The following MGAT1 variants were observed in gnomAD, a reference collection of about 807,000 sequenced individuals.
MGAT1 encodes alpha-1,3-mannosyl-glycoprotein 2-beta-N-acetylglucosaminyltransferase, also known as N-glycosyl-oligosaccharide-glycoprotein N-acetylglucosaminyltransferase I.
In MGAT1, 14 loss-of-function variants were observed where a neutral mutation model predicts 31.7. The ratio of observed to expected loss-of-function variants is 0.44; its 90% CI spans 0.29 to 0.69. MGAT1 has a LOEUF of 0.69. Among genes scored for constraint, MGAT1 ranks in the 30% least tolerant of loss-of-function variants. The pLI, the probability that MGAT1 is intolerant of heterozygous loss-of-function variation, is 0.12. For missense variants in MGAT1, 557 were observed against 626.0 expected (o/e 0.89, Z 1.18); for synonymous variants, 338 against 276.0 (o/e 1.22, Z -2.23).
chr5:180,815,261 C>T (rs1055146667), intron 1 of MGAT1, among the ~76,000 whole-genome samples: 1 of 151,960 alleles, frequency 6.6e-6, no homozygotes, highest in Non-Finnish European at 1.5e-5. Flanking sequence ...TCTTAAAGGC[C>T]CCACCTCTCC....
At chr5:180,798,143 C>CA (rs1769902096) in intron 1 of MGAT1, among the ~76,000 whole-genome samples, 2 of 152,208 alleles carry the variant, frequency 1.3e-5, no homozygotes, top group South Asian at 4.1e-4. Context: ...TTCTGAGACT[C>CA]AAACTGGGTT....
chr5:180,805,727 G>A (rs192608346), upstream of MGAT1, among the ~76,000 whole-genome samples: 125 of 151,702 alleles, frequency 8.2e-4, no homozygotes, highest in African/African-American at 3.0e-3. Context: ...TCCAGCCTGG[G>A]TGACAGAGTG....
In MGAT1 at chr5:180,784,983, G is replaced by C. The variant is rs1767476116; in HGVS notation, c.*6651C>G. The stretch of plus-strand genomic sequence containing the variant: ...TCGTTGGATCATGTCAGTGGAAAGA[G>C]TATGGTTCTTCTTTGTATTAGTCTT... On this transcript the variant is annotated 3_prime_UTR_variant, in exon 2 of 2. Transcript: ENST00000307826. 2 of 152,186 alleles carry C rather than the reference G, an allele frequency of 1.3e-5. No individual in the cohort carries two copies. Among genetic ancestry groups the C allele is most frequent in the Non-Finnish European group, 2.9e-5 (2 of 68,040 alleles). The allele number at this position is 152,186 out of a possible 1,614,324, so 9.4% of individuals were successfully genotyped here. A position where few individuals can be genotyped will look rare whatever the true frequency, so the allele number is the denominator to read the frequency against.
rs752408148 is a variant in MGAT1, at chr5:180,791,543, G to C, written c.*91C>G. On this transcript the variant is annotated 3_prime_UTR_variant, in exon 2 of 2. Transcript: ENST00000307826. ...CAAAAAGATAAATGCACCTAAGAGGGAAACACAGGCAGGCCGATGCAGCCT... is the reference window on the plus strand; with the variant it reads ...CAAAAAGATAAATGCACCTAAGAGGCAAACACAGGCAGGCCGATGCAGCCT... 3.1e-5 allele frequency: 46 copies of C among 1,466,582 alleles called. No homozygotes were observed. Among genetic ancestry groups the C allele is most frequent in the Non-Finnish European group, 3.9e-5 (42 of 1,084,320 alleles). The allele number at this position is 1,466,582 out of a possible 1,614,324, so 90.8% of individuals were successfully genotyped here.
upstream of MGAT1, chr5:180,815,563 T>TTTCCTCC: frequency 6.6e-6 from 1 of 152,340 alleles, no homozygotes; most frequent in African/African-American, 2.4e-5. Flanking sequence ...GTCTCCCGGT[T>TTTCCTCC]ATTTCGTGGC....
chr5:180,800,684 A>C (rs1457176361), intron 1 of MGAT1, among the ~76,000 whole-genome samples: 10 of 152,194 alleles, frequency 6.6e-5, no homozygotes, highest in Admixed American at 5.9e-4. Context: ...TGGTCAAGGG[A>C]ACCACAAGTC....
chr5:180,792,263 A>T lies in MGAT1; in HGVS notation c.709T>A (p.Cys237Ser). ...PLLKADPSLW[C>S]VSAWNDNGKE... ...CCGTTGTCATTCCAGGCCGAGACGC[A>T]CCACAGGGAGGGGTCGGCCTTCAGC... is the stretch of plus-strand genomic sequence containing the variant. The change falls in exon 2 of 2, where the codon TGC becomes AGC. Residue 237 changes from cysteine (C) to serine (S), a missense_variant. Physicochemically the swap from Cys to Ser is moderately radical, Grantham distance 112. Transcript: ENST00000307826. The T allele has an allele frequency of 6.2e-7, 1 of 1,612,998 alleles. No homozygotes were observed. The highest frequency in any genetic ancestry group is 8.5e-7 in the Non-Finnish European group (1 of 1,179,900).
At chr5:180,797,156 C>T (rs1456132218) in intron 1 of MGAT1, among the ~76,000 whole-genome samples, 1 of 152,100 alleles carries the variant, frequency 6.6e-6, no homozygotes, top group Non-Finnish European at 1.5e-5. Flanking sequence ...GCCTGTAATC[C>T]CAGCGCTTTG....
intron 1 of MGAT1, among the ~76,000 whole-genome samples, chr5:180,799,306 T>TAA (rs1770189683): frequency 6.6e-6 from 1 of 152,140 alleles, no homozygotes; most frequent in Non-Finnish European, 1.5e-5. Context: ...TTTTCCCCAG[T>TAA]AAGCATATAC....
At position 180,786,873 on chromosome 5, in the gene MGAT1, A is replaced by G. The variant is rs1178645824; in HGVS notation, c.*4761T>C. On this transcript the variant is annotated 3_prime_UTR_variant, in exon 2 of 2. Coordinates refer to ENST00000307826, the MANE Select transcript of MGAT1 (RefSeq NM_002406.4). ...ACACACTGTCTTACAGTTCTGGTAT[A>G]AAGGGTCAGACTTCAAGTTAGCCAA... The G allele has an allele frequency of 1.3e-5, 2 of 152,278 alleles. No individual in the cohort carries two copies. Among genetic ancestry groups the G allele is most frequent in the Non-Finnish European group, 2.9e-5 (2 of 68,082 alleles). The allele number at this position is 152,278 out of a possible 1,614,324, so 9.4% of individuals were successfully genotyped here. A position where few individuals can be genotyped will look rare whatever the true frequency, so the allele number is the denominator to read the frequency against.
chr5:180,811,404 G>T (rs986657480), intron 1 of MGAT1: 3 of 152,120 alleles, frequency 2.0e-5, no homozygotes, highest in Non-Finnish European at 4.4e-5. Flanking sequence ...ATATATTATT[G>T]CAAGGAAGAA....
intron 1 of MGAT1, among the ~76,000 whole-genome samples, chr5:180,800,521 C>G (rs1195345632): frequency 1.3e-5 from 2 of 152,186 alleles, no homozygotes; most frequent in Non-Finnish European, 2.9e-5. Flanking sequence ...ACCTTATCAG[C>G]AGGAGTGCTC....
chr5:180,809,693 C>T (rs573920237), intron 1 of MGAT1: 1 of 152,194 alleles, frequency 6.6e-6, no homozygotes, highest in South Asian at 2.1e-4. Flanking sequence ...TGTTTAAGGC[C>T]CAAGTCCTGC....
At chr5:180,808,758 C>G (rs1380668213) in exon 2 of MGAT1, 1 of 152,348 alleles carries the variant, frequency 6.6e-6, no homozygotes, top group Non-Finnish European at 1.5e-5. Flanking sequence ...CAGCTTCTCT[C>G]TTCTTATCCA....
chr5:180,788,430 C>A lies in MGAT1; in HGVS notation c.*3204G>T. 1 of 152,944 alleles carries A rather than the reference C, an allele frequency of 6.5e-6. No individual in the cohort carries two copies. Among genetic ancestry groups the A allele is most frequent in the Non-Finnish European group, 1.5e-5 (1 of 68,518 alleles). The allele number at this position is 152,944 out of a possible 1,614,324, so 9.5% of individuals were successfully genotyped here. A position where few individuals can be genotyped will look rare whatever the true frequency, so the allele number is the denominator to read the frequency against. Reference sequence around the variant, plus strand: ...GCCTGGCCTGAGAATCCAAGTGCAGCTGGGGAATGGCCTGGAAGAGGCCGT... The same window carrying A: ...GCCTGGCCTGAGAATCCAAGTGCAGATGGGGAATGGCCTGGAAGAGGCCGT... On this transcript the variant is annotated 3_prime_UTR_variant, in exon 2 of 2. Coordinates refer to ENST00000307826, the MANE Select transcript of MGAT1 (RefSeq NM_002406.4).
At chr5:180,809,021 G>A (rs1156927717) in exon 2 of MGAT1, 1 of 152,252 alleles carries the variant, frequency 6.6e-6, no homozygotes, top group Non-Finnish European at 1.5e-5. Flanking sequence ...TGGGGCTCAT[G>A]AGAAGAAACA....
At chr5:180,807,487 G>C (rs1275705551), upstream of MGAT1, among the ~76,000 whole-genome samples, 1 of 152,218 alleles carries the variant, frequency 6.6e-6, no homozygotes, top group African/African-American at 2.4e-5. Flanking sequence ...AGGGCGAAGA[G>C]ATGTCTGGAA....
chr5:180,793,551 C>G (rs1035621141), intron 1 of MGAT1, among the ~76,000 whole-genome samples: 3 of 152,170 alleles, frequency 2.0e-5, no homozygotes, highest in African/African-American at 4.8e-5. Flanking sequence ...AGTTGCCCAT[C>G]ATCTCCAGGG....
chr5:180,791,697 C>T lies in MGAT1; in HGVS notation c.1275G>A (p.Arg425=), dbSNP rs565610822. ...GGGGCGCCAGGTGGACACGGCGGCCCCGGAACTGGAAGGTGACAATACCCC... is the reference window on the plus strand; with the variant it reads ...GGGGCGCCAGGTGGACACGGCGGCCTCGGAACTGGAAGGTGACAATACCCC... ...GYRGIVTFQF[R]GRRVHLAPPL... Residue 425 remains arginine (R), a synonymous_variant, in exon 2 of 2, where the codon CGG becomes CGA. Coordinates refer to ENST00000307826, the MANE Select transcript of MGAT1 (RefSeq NM_002406.4). 2.5e-6 allele frequency: 4 copies of T among 1,613,918 alleles called. No individual in the cohort carries two copies. Among genetic ancestry groups the T allele is most frequent in the Admixed American group, 3.3e-5 (2 of 60,024 alleles).
Sources: gnomAD v4.1 joint callset for allele counts (sites outside exome capture counted in the v4.1 genomes callset) on GRCh38, gnomAD v4.1.1 for gene constraint, MANE v1.5 for transcripts, NCBI Gene and HGNC (gene_info 2026-07-23, HGNC 2026-07-21) for gene names.